DAPK1: variants seen among roughly 807,000 people sequenced by gnomAD.
DAPK1 encodes the protein death associated protein kinase 1.
A neutral mutation model predicts 144.9 loss-of-function variants in DAPK1; 56 were observed. That is an observed-to-expected ratio of 0.39 (90% CI 0.31 to 0.48). The LOEUF (loss-of-function observed/expected upper bound fraction) is 0.48, where lower values mean the gene tolerates loss of function less well. DAPK1 is among the 20% of genes least tolerant of loss of function. The pLI, the probability that DAPK1 is intolerant of heterozygous loss-of-function variation, is 0.95. For missense variants in DAPK1, 1,454 were observed against 1,875.4 expected, an observed-to-expected ratio of 0.78 and a Z score of 4.15; for synonymous variants, 690 against 749.0, an observed-to-expected ratio of 0.92 and a Z score of 1.29.
chr9:87,668,887 G>A, intron 19 of DAPK1: 2 of 534,690 alleles, frequency 3.7e-6, no homozygotes, highest in Admixed American at 3.4e-5. Flanking sequence ...AAATCATTTA[G>A]CATGTTTGCA....
chr9:87,502,503 C>G (rs1824440629), intron 2 of DAPK1, among the ~76,000 whole-genome samples: 1 of 152,314 alleles, frequency 6.6e-6, no homozygotes, highest in East Asian at 1.9e-4. Flanking sequence ...CAGCTGCAGG[C>G]TGACTTGCCC....
At chr9:87,690,208 G>GTTTT (rs1465172486) in intron 21 of DAPK1, among the ~76,000 whole-genome samples, 45 of 151,924 alleles carry the variant, frequency 3.0e-4, no homozygotes, top group African/African-American at 7.7e-4. Context: ...TTCCTTGTAG[G>GTTTT]GGTCTTTCAC....
At chr9:87,681,706 G>A (rs1170953038) in intron 20 of DAPK1, 80 bp downstream of exon 20, 2 of 789,288 alleles carry the variant, frequency 2.5e-6, no homozygotes, top group Non-Finnish European at 4.4e-6. Context: ...TAGGGGGGAA[G>A]GGAGTTGTGT....
At position 87,700,140 on chromosome 9, in the gene DAPK1, C is replaced by A; in HGVS notation, c.2774C>A (p.Ser925Ter). Residue 925 changes from serine to a stop codon, truncating the protein, a stop_gained, in exon 24 of 26, where the codon TCA becomes TAA. Coordinates refer to ENST00000408954, the MANE Select transcript of DAPK1 (RefSeq NM_004938.4). LOFTEE classifies it high-confidence loss of function. The stretch of plus-strand genomic sequence containing the variant: ...AGGTTTGGAAATGATCTTCACATTT[C>A]AAATAAGCTGTTTGTTCTGGATGCT... ...RNRFGNDLHI[S>*]NKLFVLDAGA... The A allele has an allele frequency of 6.2e-7, 1 of 1,610,628 alleles. No homozygotes were observed. Among genetic ancestry groups the A allele is most frequent in the Non-Finnish European group, 8.5e-7 (1 of 1,176,770 alleles).
chr9:87,525,892 G>A (rs951563457), intron 2 of DAPK1, among the ~76,000 whole-genome samples: 1 of 152,128 alleles, frequency 6.6e-6, no homozygotes, highest in Non-Finnish European at 1.5e-5. Context: ...CCTGCAGATC[G>A]AGTATCCCTT....
intron 2 of DAPK1, among the ~76,000 whole-genome samples, chr9:87,525,686 T>C (rs1825481236): frequency 6.8e-6 from 1 of 147,632 alleles, no homozygotes; most frequent in South Asian, 2.1e-4. Flanking sequence ...ACCTCCTCCA[T>C]GTTTTCCTCT....
chr9:87,652,303 T>C (rs1279748631), intron 17 of DAPK1, among the ~76,000 whole-genome samples: 46 of 133,082 alleles, frequency 3.5e-4, no homozygotes, highest in East Asian at 3.4e-3. Flanking sequence ...TCCTCCCACC[T>C]GATCCCAGGT....
At chr9:87,533,987 G>C (rs777061833) in intron 2 of DAPK1, among the ~76,000 whole-genome samples, 11 of 152,108 alleles carry the variant, frequency 7.2e-5, no homozygotes, top group Non-Finnish European at 1.3e-4. Flanking sequence ...TCTAACAGCA[G>C]TTCTCAGGTT....
intron 21 of DAPK1, among the ~76,000 whole-genome samples, chr9:87,691,948 G>A (rs113468913): frequency 0.014 from 2,176 of 152,200 alleles, 55 homozygotes; most frequent in African/African-American, 0.049. Context: ...GAGAAAATGC[G>A]TATTCTGTAG....
At chr9:87,589,055 ATTTTTTTTTTTTTT>A (rs35875159) in intron 2 of DAPK1, among the ~76,000 whole-genome samples, 31 of 101,200 alleles carry the variant, frequency 3.1e-4, no homozygotes, top group Non-Finnish European at 4.8e-4. Flanking sequence ...CGCCCGGCTA[ATTTTTTTTTTTTTT>A]TTTTTTTTTT....
intron 17 of DAPK1, among the ~76,000 whole-genome samples, chr9:87,654,553 C>T (rs1830569080): frequency 6.6e-6 from 1 of 152,184 alleles, no homozygotes; most frequent in Non-Finnish European, 1.5e-5. Flanking sequence ...TAGCCATTAG[C>T]TGCTGGTTGC....
intron 3 of DAPK1, among the ~76,000 whole-genome samples, chr9:87,610,030 G>C (rs978241882): frequency 6.6e-6 from 1 of 152,108 alleles, no homozygotes; most frequent in Non-Finnish European, 1.5e-5. Flanking sequence ...ACCCAAAAAG[G>C]TATCTTTGCT....
intron 18 of DAPK1, among the ~76,000 whole-genome samples, chr9:87,664,328 G>T (rs1830973959): frequency 6.6e-6 from 1 of 151,978 alleles, no homozygotes; most frequent in Non-Finnish European, 1.5e-5. Flanking sequence ...TGCGCATAGT[G>T]TGCCCACAGC....
chr9:87,560,956 G>A (rs936548045), intron 2 of DAPK1, among the ~76,000 whole-genome samples: 2 of 151,986 alleles, frequency 1.3e-5, no homozygotes, highest in African/African-American at 2.4e-5. Context: ...GTGAGCCACC[G>A]CGCCTGGCTA....
chr9:87,684,231 A>G (rs1824748136), intron 20 of DAPK1, among the ~76,000 whole-genome samples: 1 of 152,184 alleles, frequency 6.6e-6, no homozygotes, highest in East Asian at 1.9e-4. Flanking sequence ...GCTTTGTTAG[A>G]CACCCGAGGA....
chr9:87,673,174 A>G (rs1003998218), intron 19 of DAPK1, among the ~76,000 whole-genome samples: 8 of 152,106 alleles, frequency 5.3e-5, no homozygotes, highest in African/African-American at 1.9e-4. Flanking sequence ...GTGAAAACCA[A>G]AAGAATCCCT....
upstream of DAPK1, chr9:87,497,717 G>A (rs1435780251): frequency 8.0e-6 from 2 of 249,978 alleles, no homozygotes; most frequent in Non-Finnish European, 1.5e-5. Context: ...GGAGCTGGGA[G>A]GAGCAGCGAG....
intron 18 of DAPK1, among the ~76,000 whole-genome samples, chr9:87,660,444 A>G (rs1479425859): frequency 6.6e-6 from 1 of 152,238 alleles, no homozygotes; most frequent in Non-Finnish European, 1.5e-5. Context: ...AGCACAAGAT[A>G]TGCAAATATT....
chr9:87,649,848 A>T, intron 15 of DAPK1, 73 bp from the exon 16 acceptor site: 1 of 1,480,674 alleles, frequency 6.8e-7, no homozygotes, highest in Non-Finnish European at 9.4e-7. Context: ...TTTGACAGGG[A>T]CTCTCACCTT....
Sources: allele counts gnomAD v4.1 joint callset (sites outside exome capture counted in the v4.1 genomes callset), GRCh38; gene constraint gnomAD v4.1.1; transcripts MANE v1.5; gene names NCBI Gene and HGNC (gene_info 2026-07-23, HGNC 2026-07-21).